The following CAMTA1 variants were observed in gnomAD, a reference collection of about 807,000 sequenced individuals.
CAMTA1 encodes calmodulin binding transcription activator 1, also known as calmodulin-binding transcription activator 1.
A neutral mutation model predicts 170.9 loss-of-function variants in CAMTA1; 27 were observed. The observed-to-expected ratio is 0.16, with a 90% CI of 0.12 to 0.22. The LOEUF (loss-of-function observed/expected upper bound fraction) is 0.22, where lower values mean the gene tolerates loss of function less well. Ranked by LOEUF, CAMTA1 falls within the 10% of genes least tolerant of loss-of-function variation. The pLI is 1.00. For synonymous variants in CAMTA1, 833 were observed against 891.5 expected, an observed-to-expected ratio of 0.93 and a Z score of 1.17; for missense variants, 1,619 against 2,217.2, an observed-to-expected ratio of 0.73 and a Z score of 5.42.
intron 5 of CAMTA1, among the ~76,000 whole-genome samples, chr1:7,388,802 C>T (rs1222837184): frequency 6.6e-6 from 1 of 152,206 alleles, no homozygotes; most frequent in East Asian, 1.9e-4. Flanking sequence ...TGGCAGCTCC[C>T]ATCCTGTCCC....
rs960897025 is a variant in CAMTA1 at position 7,267,259 on chromosome 1, C to T, written c.438+17633C>T. Among the ~76,000 whole-genome samples, 101 of 152,142 alleles carry T rather than the reference C, an allele frequency of 6.6e-4. 1 individual carries two copies. The highest frequency in any genetic ancestry group is 2.2e-4 in the Non-Finnish European group (15 of 68,036). ...CTGGGATGGATTTTAGATGGCTTCA[C>T]AGTGCCAGCATTTCTGTGAAGTCAT... On this transcript the variant is annotated intron_variant, in intron 5 of 22. Transcript: ENST00000303635.
At chr1:7,168,568 A>G (rs1474861967) in intron 4 of CAMTA1, among the ~76,000 whole-genome samples, 10 of 152,108 alleles carry the variant, frequency 6.6e-5, no homozygotes, top group Admixed American at 5.2e-4. Context: ...ACACCCAGCT[A>G]ACTTTTTGTA....
intron 6 of CAMTA1, among the ~76,000 whole-genome samples, chr1:7,497,310 C>A (rs896592313): frequency 3.3e-5 from 5 of 152,068 alleles, no homozygotes; most frequent in Non-Finnish European, 5.9e-5. Flanking sequence ...TCCCCCATGT[C>A]AACAGCTCAC....
chr1:7,701,941 T>C (rs2096444926), intron 11 of CAMTA1, among the ~76,000 whole-genome samples: 1 of 152,092 alleles, frequency 6.6e-6, no homozygotes, highest in Non-Finnish European at 1.5e-5. Context: ...CCTGTGGAGA[T>C]TCAGTTTTAG....
intron 6 of CAMTA1, among the ~76,000 whole-genome samples, chr1:7,480,639 C>T (rs2693957): frequency 6.6e-6 from 1 of 151,768 alleles, no homozygotes; most frequent in African/African-American, 2.4e-5. Context: ...CTTATGAACG[C>T]TCCCTGCTGC....
chr1:7,499,099 A>G (rs1364470048), intron 6 of CAMTA1, among the ~76,000 whole-genome samples: 5 of 125,312 alleles, frequency 4.0e-5, no homozygotes, highest in South Asian at 2.9e-4. Context: ...ATGTGTGTCC[A>G]TGAGTGAGTG....
chr1:6,804,197 T>G (rs76653249), intron 1 of CAMTA1, among the ~76,000 whole-genome samples: 2 of 148,518 alleles, frequency 1.3e-5, no homozygotes, highest in African/African-American at 5.0e-5. Flanking sequence ...TTTTTTTTTT[T>G]GGTAAAGACA....
chr1:6,984,227 G>C (rs1409569975), intron 3 of CAMTA1, among the ~76,000 whole-genome samples: 1 of 151,520 alleles, frequency 6.6e-6, no homozygotes, highest in Non-Finnish European at 1.5e-5. Flanking sequence ...TGGAAGGCTG[G>C]GTGGGCGGAT....
At chr1:7,269,265 TG>T (rs987634434) in intron 5 of CAMTA1, among the ~76,000 whole-genome samples, 2 of 152,244 alleles carry the variant, frequency 1.3e-5, no homozygotes, top group African/African-American at 4.8e-5. Flanking sequence ...TGACAGATGT[TG>T]GATCAAGGGC....
At chr1:7,594,385 A>G (rs2150511907) in intron 6 of CAMTA1, among the ~76,000 whole-genome samples, 1 of 152,290 alleles carries the variant, frequency 6.6e-6, no homozygotes, top group East Asian at 1.9e-4. Flanking sequence ...AAAAGAAAGG[A>G]AACAGGGGCA....
At position 7,010,242 on chromosome 1, in the gene CAMTA1, A is replaced by T. The variant is rs1471851919; in HGVS notation, c.235-81062A>T. ...AGAGGACTTGACTGAGCTCATGGTC[A>T]GGGAGTGTCAGAACGAGGACCAGGA... On this transcript the variant is annotated intron_variant, in intron 3 of 22. Coordinates refer to ENST00000303635, the MANE Select transcript of CAMTA1 (RefSeq NM_015215.4). This position sits in a 1 kb window ranked among gnomAD's most constrained non-coding sequence, Gnocchi z 4.4. 6.6e-6 allele frequency among the ~76,000 whole-genome samples: 1 copy of T among 152,196 alleles called. No individual in the cohort carries two copies. Among genetic ancestry groups the T allele is most frequent in the South Asian group, 2.1e-4 (1 of 4,834 alleles).
intron 3 of CAMTA1, among the ~76,000 whole-genome samples, chr1:6,980,131 A>G (rs1694180279): frequency 6.6e-6 from 1 of 152,146 alleles, no homozygotes; most frequent in Non-Finnish European, 1.5e-5. Flanking sequence ...CTCCAGGAGC[A>G]CTTACTGGAG....
chr1:7,710,600 CAAAAAAA>C (rs60019262), intron 11 of CAMTA1, among the ~76,000 whole-genome samples: 4 of 82,764 alleles, frequency 4.8e-5, no homozygotes, highest in Non-Finnish European at 2.4e-5. Flanking sequence ...GACCCTGTCT[CAAAAAAA>C]AAAAAAAAAA....
At chr1:6,826,679 A>G (rs1399758633) in intron 3 of CAMTA1, among the ~76,000 whole-genome samples, 1 of 152,222 alleles carries the variant, frequency 6.6e-6, no homozygotes, top group Non-Finnish European at 1.5e-5. Flanking sequence ...TTTCCATATT[A>G]TATTTCCTGT....
chr1:6,894,680 G>A (rs890756832), intron 3 of CAMTA1, among the ~76,000 whole-genome samples: 1 of 152,182 alleles, frequency 6.6e-6, no homozygotes, highest in Non-Finnish European at 1.5e-5. Context: ...TTTGGTTTCT[G>A]CTGAACCTGT....
At chr1:6,798,272 G>A (rs1017459730) in intron 1 of CAMTA1, among the ~76,000 whole-genome samples, 3 of 152,084 alleles carry the variant, frequency 2.0e-5, no homozygotes, top group African/African-American at 7.2e-5. Flanking sequence ...ACAGGTGTGA[G>A]CTACCGCACC....
At chr1:7,207,786 C>T (rs1030122148) in intron 4 of CAMTA1, among the ~76,000 whole-genome samples, 2 of 152,140 alleles carry the variant, frequency 1.3e-5, no homozygotes, top group African/African-American at 4.8e-5. Flanking sequence ...TTTATCTCCC[C>T]AGTCTTCGTG....
At chr1:7,355,239 C>T (rs1557577649) in intron 5 of CAMTA1, among the ~76,000 whole-genome samples, 1 of 150,368 alleles carries the variant, frequency 6.7e-6, no homozygotes, top group Admixed American at 6.6e-5. Flanking sequence ...AAAAAATTAG[C>T]CAGGCATTGT....
intron 5 of CAMTA1, among the ~76,000 whole-genome samples, chr1:7,375,038 A>T (rs925129173): frequency 6.6e-6 from 1 of 152,178 alleles, no homozygotes; most frequent in Admixed American, 6.5e-5. Context: ...TAACCAGCAG[A>T]TAGCCACCAG....
Sources: allele counts gnomAD v4.1 joint callset (sites outside exome capture counted in the v4.1 genomes callset), GRCh38; gene constraint gnomAD v4.1.1; non-coding constraint Gnocchi (gnomAD v3.1); transcripts MANE v1.5; gene names NCBI Gene and HGNC (gene_info 2026-07-23, HGNC 2026-07-21).